The following CNNM2 variants were observed in gnomAD, a reference collection of about 807,000 sequenced individuals.
CNNM2 encodes metal transporter CNNM2.
A neutral mutation model predicts 66.9 loss-of-function variants in CNNM2; 12 were observed. The ratio of observed to expected loss-of-function variants is 0.18; its 90% confidence interval spans 0.11 to 0.29. The LOEUF (loss-of-function observed/expected upper bound fraction) is 0.29, where lower values mean the gene tolerates loss of function less well. Among genes scored for constraint, CNNM2 ranks in the 10% least tolerant of loss-of-function variants. The pLI is 1.00. For synonymous variants in CNNM2, 557 were observed against 501.8 expected, an observed-to-expected ratio of 1.11 and a Z score of -1.47; for missense variants, 705 against 1,167.7, an observed-to-expected ratio of 0.60 and a Z score of 5.77.
At chr10:102,995,989 C>T (rs981421383) in intron 1 of CNNM2, among the ~76,000 whole-genome samples, 4 of 152,132 alleles carry the variant, frequency 2.6e-5, no homozygotes, top group African/African-American at 7.2e-5. Flanking sequence ...CATGAGCCAC[C>T]GTGCCTGGCC....
At chr10:102,985,731 T>G (rs896474297) in intron 1 of CNNM2, among the ~76,000 whole-genome samples, 1 of 152,190 alleles carries the variant, frequency 6.6e-6, no homozygotes, top group Non-Finnish European at 1.5e-5. Flanking sequence ...CAGCTCAGAT[T>G]GATAGAATAG....
chr10:103,064,071 G>A (rs1024751261), intron 4 of CNNM2, among the ~76,000 whole-genome samples: 1 of 152,166 alleles, frequency 6.6e-6, no homozygotes, highest in South Asian at 2.1e-4. Flanking sequence ...GGGTGGGCAG[G>A]TTTGACAACT....
At chr10:102,954,484 T>C (rs1311842752) in intron 1 of CNNM2, among the ~76,000 whole-genome samples, 1 of 152,196 alleles carries the variant, frequency 6.6e-6, no homozygotes, top group Non-Finnish European at 1.5e-5. Context: ...AAATGTAAGA[T>C]GATGAGGGAC....
intron 1 of CNNM2, among the ~76,000 whole-genome samples, chr10:103,033,153 T>C (rs148266331): frequency 0.012 from 1,839 of 151,616 alleles, 10 homozygotes; most frequent in Non-Finnish European, 0.019. Context: ...GAAAAACTAA[T>C]TTTTGTCTTC....
chr10:103,089,520 T>C lies in CNNM2; in HGVS notation c.*12340T>C. On this transcript the variant is annotated 3_prime_UTR_variant, in exon 8 of 8. Coordinates refer to ENST00000369878, the MANE Select transcript of CNNM2 (RefSeq NM_017649.5). Reference sequence around the variant, plus strand: ...CAGATACACAAAACCAAAACAAGTATCTATGATAATAAAATCTTCAGAAAC... The same window carrying C: ...CAGATACACAAAACCAAAACAAGTACCTATGATAATAAAATCTTCAGAAAC... 1 of 1,353,126 alleles carries C rather than the reference T, an allele frequency of 7.4e-7. No individual in the cohort carries two copies. The highest frequency in any genetic ancestry group is 9.7e-7 in the Non-Finnish European group (1 of 1,025,950). 83.8% of individuals were successfully genotyped at this position (1,353,126 alleles called of 1,614,324 possible). A position where few individuals can be genotyped will look rare whatever the true frequency, so the allele number is the denominator to read the frequency against.
At chr10:102,967,950 A>G (rs1200293635) in intron 1 of CNNM2, among the ~76,000 whole-genome samples, 6 of 152,064 alleles carry the variant, frequency 3.9e-5, no homozygotes, top group African/African-American at 1.2e-4. Context: ...GGAGGTGGCA[A>G]TGAGCTGAGA....
intron 1 of CNNM2, among the ~76,000 whole-genome samples, chr10:102,943,334 G>A (rs995247118): frequency 7.2e-5 from 11 of 152,052 alleles, no homozygotes; most frequent in Admixed American, 1.3e-4. Context: ...AGGCTGAGGC[G>A]GGAGGATGGC....
rs183936846 is a variant in CNNM2 at position 102,950,926 on chromosome 10, T to C, written c.1621+30825T>C. Among the ~76,000 whole-genome samples, 87 of 152,096 alleles carry C rather than the reference T, an allele frequency of 5.7e-4. No individual in the cohort carries two copies. In the Middle Eastern group the frequency reaches 0.01, roughly 18 times the overall value. ...AGTGAGGTGTACTCATATATATATT[T>C]TTCCCTTTCTGTAATATTAGTTCCT... is the stretch of plus-strand genomic sequence containing the variant. On this transcript the variant is annotated intron_variant, in intron 1 of 7. Transcript: ENST00000369878.
intron 1 of CNNM2, among the ~76,000 whole-genome samples, chr10:103,005,087 G>T (rs908909211): frequency 1.3e-5 from 2 of 151,620 alleles, no homozygotes; most frequent in Admixed American, 6.6e-5. Flanking sequence ...TAATTTTTTT[G>T]TATTTTTAGT....
intron 1 of CNNM2, among the ~76,000 whole-genome samples, chr10:102,995,796 G>A (rs1465841756): frequency 2.0e-5 from 3 of 151,744 alleles, no homozygotes; most frequent in East Asian, 1.9e-4. Context: ...GCGTGATCTC[G>A]GCTCACCACA....
chr10:103,022,232 T>C (rs1050891874), intron 1 of CNNM2, among the ~76,000 whole-genome samples: 3 of 152,220 alleles, frequency 2.0e-5, no homozygotes, highest in Non-Finnish European at 4.4e-5. Flanking sequence ...TAGGAAATGA[T>C]AGTAATAGAA....
In CNNM2 at chr10:103,083,998, G is replaced by A. The variant is rs537399622; in HGVS notation, c.*6818G>A. 3 of 152,242 alleles carry A rather than the reference G, an allele frequency of 2.0e-5. No individual in the cohort carries two copies. Among genetic ancestry groups the A allele is most frequent in the East Asian group, 3.9e-4 (2 of 5,180 alleles). The allele number at this position is 152,242 out of a possible 1,614,324, so 9.4% of individuals were successfully genotyped here. On this transcript the variant is annotated 3_prime_UTR_variant, in exon 8 of 8. Coordinates refer to ENST00000369878, the MANE Select transcript of CNNM2 (RefSeq NM_017649.5). Reference sequence around the variant, plus strand: ...GGATATCCTGCATTCCCCAGTAATCGGTGTGTATGATACACGTTCTTTTCC... The same window carrying A: ...GGATATCCTGCATTCCCCAGTAATCAGTGTGTATGATACACGTTCTTTTCC...
intron 1 of CNNM2, among the ~76,000 whole-genome samples, chr10:102,943,164 G>C (rs2134181049): frequency 6.6e-6 from 1 of 152,330 alleles, no homozygotes; most frequent in Admixed American, 6.5e-5. Context: ...GGTGGAGGTT[G>C]CAGTGAGCTG....
rs893388419 is a variant in CNNM2 at position 103,049,848 on chromosome 10, A to T, written c.1763A>T (p.Tyr588Phe). 6.2e-7 allele frequency: 1 copy of T among 1,613,512 alleles called. No homozygotes were observed. Among genetic ancestry groups the T allele is most frequent in the Non-Finnish European group, 8.5e-7 (1 of 1,179,732 alleles). ...KSEILDETDL[Y>F]TDNRTKKKVA... ...GAGATTCTTGATGAAACAGATTTAT[A>T]CAGTAAGTAGCATTGTCTGAGTGTA... Residue 588 changes from tyrosine (Y) to phenylalanine (F), a missense_variant and splice_region_variant, in exon 2 of 8, where the codon TAC (tyrosine) becomes TTC (phenylalanine). Physicochemically the swap from Tyr to Phe is conservative, Grantham distance 22. Transcript: ENST00000369878.
chr10:102,920,092 T>G lies in CNNM2; in HGVS notation c.1612T>G (p.Phe538Val). 1 of 1,614,194 alleles carries G rather than the reference T, an allele frequency of 6.2e-7. No homozygotes were observed. The highest frequency in any genetic ancestry group is 8.5e-7 in the Non-Finnish European group (1 of 1,180,048). ...DTKLDAMLEE[F>V]KKGKSHLAIV... is the part of the protein sequence containing the mutation. ...CAAGTTGGACGCTATGCTGGAAGAA[T>G]TTAAGAAAGGTGGGAAATTTTGGTC... Residue 538 changes from phenylalanine to valine, a missense_variant, in exon 1 of 8, where the codon TTT becomes GTT. Physicochemically the swap from Phe to Val is conservative, Grantham distance 50. This residue lies in a region of CNNM2 where 171 missense variants were observed against 304.8 expected (regional missense o/e 0.56). Coordinates refer to ENST00000369878, the MANE Select transcript of CNNM2 (RefSeq NM_017649.5).
intron 1 of CNNM2, among the ~76,000 whole-genome samples, chr10:103,049,112 C>T (rs2065176153): frequency 6.6e-6 from 1 of 152,178 alleles, no homozygotes; most frequent in African/African-American, 2.4e-5. Flanking sequence ...TCCCAAAGCT[C>T]TTGGATTACA....
chr10:102,996,517 C>A (rs928790183), intron 1 of CNNM2, among the ~76,000 whole-genome samples: 1 of 152,142 alleles, frequency 6.6e-6, no homozygotes, highest in Non-Finnish European at 1.5e-5. Flanking sequence ...CCAGCCTGGG[C>A]AACATAGGGA....
chr10:102,943,671 A>G (rs146267537), intron 1 of CNNM2, among the ~76,000 whole-genome samples: 3 of 152,336 alleles, frequency 2.0e-5, no homozygotes, highest in African/African-American at 7.2e-5. Flanking sequence ...AGAGCTCTTC[A>G]TACTCTGGCT....
rs747479663 is a variant in CNNM2, at chr10:103,077,078, G to T, written c.2526G>T (p.Leu842=). 6.2e-7 allele frequency: 1 copy of T among 1,613,868 alleles called. No individual in the cohort carries two copies. The highest frequency in any genetic ancestry group is 1.7e-5 in the Admixed American group (1 of 60,008). ...NTKIELTLTE[L]HDGLPDETAN... ...AAATCGAATTGACTCTTACGGAGCT[G>T]CATGACGGGTTGCCAGACGAGACAG... The change falls in exon 8 of 8, where the codon CTG becomes CTT. Residue 842 remains leucine, a synonymous_variant. Coordinates refer to ENST00000369878, the MANE Select transcript of CNNM2 (RefSeq NM_017649.5).
Sources: gnomAD v4.1 joint callset for allele counts (sites outside exome capture counted in the v4.1 genomes callset) on GRCh38, gnomAD v4.1.1 for gene constraint, gnomAD v4.1.1 regional missense constraint, MANE v1.5 for transcripts, NCBI Gene and HGNC (gene_info 2026-07-23, HGNC 2026-07-21) for gene names.